The following PHLPP2 variants were observed in gnomAD, a reference collection of about 807,000 sequenced individuals.
PHLPP2 encodes the protein PH domain and leucine rich repeat protein phosphatase 2, also known as PH domain leucine-rich repeat-containing protein phosphatase 2.
PHLPP2 carries 66 observed loss-of-function variants against 124.9 expected under a neutral mutation model. That is an observed-to-expected ratio of 0.53 (90% CI 0.43 to 0.65). The LOEUF (loss-of-function observed/expected upper bound fraction) is 0.65, where lower values mean the gene tolerates loss of function less well. Among genes scored for constraint, PHLPP2 ranks in the 30% least tolerant of loss-of-function variants. The pLI, the probability that PHLPP2 is intolerant of heterozygous loss-of-function variation, is 0.00. For synonymous variants in PHLPP2, 681 were observed against 624.7 expected, an observed-to-expected ratio of 1.09 and a Z score of -1.34; for missense variants, 1,685 against 1,600.4, an observed-to-expected ratio of 1.05 and a Z score of -0.90.
chr16:71,667,235 T>A lies in PHLPP2; in HGVS notation c.1727A>T (p.Asp576Val). Residue 576 changes from aspartate (D) to valine (V), a missense_variant, in exon 12 of 19, where the codon GAT becomes GTT. Coordinates refer to ENST00000568954, the MANE Select transcript of PHLPP2 (RefSeq NM_015020.3). ...LVEHIPLEVLDLQHNALTRLP... is the reference protein window; with the variant it reads ...LVEHIPLEVLVLQHNALTRLP... Reference sequence around the variant, plus strand: ...CCTCGTGAGTGCATTATGCTGAAGATCCAGCACCTCGAGGGGGATGTGCTC... The same window carrying A: ...CCTCGTGAGTGCATTATGCTGAAGAACCAGCACCTCGAGGGGGATGTGCTC... The A allele has an allele frequency of 6.2e-7, 1 of 1,613,888 alleles. No individual in the cohort carries two copies. Among genetic ancestry groups the A allele is most frequent in the Non-Finnish European group, 8.5e-7 (1 of 1,179,874 alleles).
chr16:71,695,522 A>C (rs2045160668), intron 3 of PHLPP2, among the ~76,000 whole-genome samples: 1 of 152,178 alleles, frequency 6.6e-6, no homozygotes, highest in Non-Finnish European at 1.5e-5. Flanking sequence ...CAGCCTGGCC[A>C]ACATGGTGAA....
intron 13 of PHLPP2, 140 bp downstream of exon 13, chr16:71,663,759 G>A: frequency 1.5e-6 from 1 of 674,320 alleles, no homozygotes; most frequent in East Asian, 2.7e-5. Context: ...ATGAGATTTT[G>A]CCACTCAACT....
At chr16:71,665,758 A>G (rs995233777) in intron 12 of PHLPP2, among the ~76,000 whole-genome samples, 3 of 152,202 alleles carry the variant, frequency 2.0e-5, no homozygotes, top group African/African-American at 7.2e-5. Context: ...AGACTACCAT[A>G]AGGACCAAAT....
chr16:71,683,548 A>G (rs1199034578), intron 5 of PHLPP2, among the ~76,000 whole-genome samples: 1 of 152,166 alleles, frequency 6.6e-6, no homozygotes, highest in African/African-American at 2.4e-5. Context: ...TTGTATCTCA[A>G]TTCCTTCAAA....
At chr16:71,659,855 A>G (rs1027036697) in intron 13 of PHLPP2, among the ~76,000 whole-genome samples, 7 of 152,224 alleles carry the variant, frequency 4.6e-5, no homozygotes, top group African/African-American at 1.7e-4. Context: ...GAAATACATC[A>G]CCAATACCAG....
At chr16:71,680,646 T>C (rs1273784554) in intron 6 of PHLPP2, among the ~76,000 whole-genome samples, 1 of 152,218 alleles carries the variant, frequency 6.6e-6, no homozygotes, top group African/African-American at 2.4e-5. Flanking sequence ...AAGGCTGAGA[T>C]GTTCTCCATG....
In PHLPP2 at chr16:71,656,555, T is replaced by G; in HGVS notation, c.2390+16A>C. ...TGCCTTTTTTCTTTCTCAGTCTCCA[T>G]GGCCAATATACTCACTTATTTCTCT... On this transcript the variant is annotated intron_variant, in intron 16 of 18. Coordinates refer to ENST00000568954, the MANE Select transcript of PHLPP2 (RefSeq NM_015020.3). 6.7e-7 allele frequency: 1 copy of G among 1,488,786 alleles called. No individual in the cohort carries two copies. The highest frequency in any genetic ancestry group is 9.4e-7 in the Non-Finnish European group (1 of 1,066,742). The allele number at this position is 1,488,786 out of a possible 1,614,324, so 92.2% of individuals were successfully genotyped here.
rs548296664 is a variant in PHLPP2 at position 71,657,843 on chromosome 16, A to C, written c.2279+390T>G. ...GGATCAAAGGGGTAGGAGTTTCAAT[A>C]AAAAACTAAGCACAACAAAGATTTC... is the stretch of plus-strand genomic sequence containing the variant. On this transcript the variant is annotated intron_variant, in intron 15 of 18. Transcript: ENST00000568954. Among the ~76,000 whole-genome samples the C allele has an allele frequency of 3.3e-5, 5 of 152,340 alleles. No individual in the cohort carries two copies. In the East Asian group the frequency reaches 9.6e-4, roughly 29 times the overall value.
intron 8 of PHLPP2, 106 bp from the exon 9 acceptor site, chr16:71,676,755 C>T: frequency 1.6e-6 from 1 of 642,000 alleles, no homozygotes; most frequent in East Asian, 3.5e-5. Context: ...TCTCTGTTTA[C>T]TTTTTTTTTT....
intron 11 of PHLPP2, 122 bp from the exon 12 acceptor site, chr16:71,667,455 T>C (rs977573943): frequency 2.7e-6 from 2 of 737,858 alleles, no homozygotes; most frequent in Non-Finnish European, 4.3e-6. Context: ...CTAGATTGTA[T>C]ACTCACTGAC....
intron 3 of PHLPP2, among the ~76,000 whole-genome samples, chr16:71,699,901 G>A (rs1042360623): frequency 2.6e-5 from 4 of 152,264 alleles, no homozygotes; most frequent in South Asian, 4.1e-4. Flanking sequence ...TCTCCTATGC[G>A]CTACATCCCA....
At chr16:71,688,625 T>G (rs1219253262) in intron 4 of PHLPP2, among the ~76,000 whole-genome samples, 2 of 151,238 alleles carry the variant, frequency 1.3e-5, no homozygotes, top group African/African-American at 2.4e-5. Context: ...TTTTTTTTTT[T>G]GTATGTGTGT....
At chr16:71,650,168 AGTATAATTTTAAAT>A (rs2044686648) in intron 18 of PHLPP2, 124 bp from the exon 19 acceptor site, 1 of 687,186 alleles carries the variant, frequency 1.5e-6, no homozygotes, top group African/African-American at 1.8e-5. Flanking sequence ...CCTATGGATT[AGTATAATTTTAAAT>A]GGATGCACAC....
chr16:71,699,865 A>G (rs2045211593), intron 3 of PHLPP2, among the ~76,000 whole-genome samples: 1 of 152,192 alleles, frequency 6.6e-6, no homozygotes, highest in African/African-American at 2.4e-5. Flanking sequence ...CTGGTGCTAA[A>G]GCAGGCAGCC....
intron 12 of PHLPP2, chr16:71,666,147 T>C (rs539571926): frequency 1.3e-5 from 2 of 152,212 alleles, no homozygotes; most frequent in East Asian, 1.9e-4. Context: ...AAGATTAGCA[T>C]GGACCCTGAG....
intron 4 of PHLPP2, among the ~76,000 whole-genome samples, chr16:71,684,814 T>C (rs2145345670): frequency 6.6e-6 from 1 of 152,306 alleles, no homozygotes; most frequent in South Asian, 2.1e-4. Context: ...GCTGTGCTTT[T>C]GCTCTATCAC....
At chr16:71,710,351 T>C (rs1336831094) in intron 2 of PHLPP2, among the ~76,000 whole-genome samples, 2 of 152,216 alleles carry the variant, frequency 1.3e-5, no homozygotes, top group Non-Finnish European at 2.9e-5. Flanking sequence ...TTAGTAATTC[T>C]TGAGTTATAG....
At chr16:71,714,440 G>A in intron 2 of PHLPP2, 72 bp downstream of exon 2, 1 of 1,456,428 alleles carries the variant, frequency 6.9e-7, no homozygotes, top group Non-Finnish European at 9.1e-7. Flanking sequence ...AAATCCTAAA[G>A]TCCAGTTCTA....
At position 71,647,025 on chromosome 16, in the gene PHLPP2, G is replaced by A. The variant is rs1261130220; in HGVS notation, c.*1865C>T. On this transcript the variant is annotated 3_prime_UTR_variant, in exon 19 of 19. Coordinates refer to ENST00000568954, the MANE Select transcript of PHLPP2 (RefSeq NM_015020.3). ...GACAGGTCATCTGATTTTGACTATT[G>A]CTTTGAACAAAAATCTTCCCAAAAA... 6.6e-6 allele frequency: 1 copy of A among 152,426 alleles called. No homozygotes were observed. The highest frequency in any genetic ancestry group is 2.4e-5 in the African/African-American group (1 of 41,382). 9.4% of individuals were successfully genotyped at this position (152,426 alleles called of 1,614,324 possible). A position where few individuals can be genotyped will look rare whatever the true frequency, so the allele number is the denominator to read the frequency against.
Sources: allele counts gnomAD v4.1 joint callset (sites outside exome capture counted in the v4.1 genomes callset), GRCh38; gene constraint gnomAD v4.1.1; transcripts MANE v1.5; gene names NCBI Gene and HGNC (gene_info 2026-07-23, HGNC 2026-07-21).